The following EPB41L4B variants were observed in gnomAD, a reference collection of about 807,000 sequenced individuals.
EPB41L4B encodes the protein band 4.1-like protein 4B.
A neutral mutation model predicts 112.5 loss-of-function variants in EPB41L4B; 30 were observed. The observed-to-expected ratio is 0.27, with a 90% CI of 0.20 to 0.36. The LOEUF is 0.36. EPB41L4B is among the 10% of genes least tolerant of loss of function. The pLI is 1.00. For synonymous variants in EPB41L4B, 408 were observed against 439.7 expected (o/e 0.93, Z 0.90); for missense variants, 1,024 against 1,133.3 (o/e 0.90, Z 1.38).
chr9:109,260,076 TTTC>T (rs1348496329), intron 6 of EPB41L4B, among the ~76,000 whole-genome samples: 5 of 152,128 alleles, frequency 3.3e-5, no homozygotes, highest in African/African-American at 1.2e-4. Context: ...GTGTTTTTCT[TTTC>T]TTTTCTTTTG....
In EPB41L4B at chr9:109,185,511, T is replaced by C. The variant is rs1033208116; in HGVS notation, c.2396A>G (p.Tyr799Cys). The C allele has an allele frequency of 9.3e-6, 15 of 1,613,664 alleles. No individual in the cohort carries two copies. The highest frequency in any genetic ancestry group is 1.2e-5 in the Non-Finnish European group (14 of 1,179,874). ...MKEETTGVCM[Y>C]PPIKTRLIKT... Reference sequence around the variant, plus strand: ...TACCAGCCTCGTTTTGATTGGAGGGTACATGCAAACTCCAGTGGTCTCTTC... The same window carrying C: ...TACCAGCCTCGTTTTGATTGGAGGGCACATGCAAACTCCAGTGGTCTCTTC... The change falls in exon 23 of 26, where the codon TAC becomes TGC. Residue 799 changes from tyrosine (Y) to cysteine (C), a missense_variant. Transcript: ENST00000374566.
chr9:109,250,619 G>A (rs1425390652), intron 13 of EPB41L4B, among the ~76,000 whole-genome samples: 2 of 152,198 alleles, frequency 1.3e-5, no homozygotes, highest in Non-Finnish European at 2.9e-5. Context: ...AGCGGTATAT[G>A]CCGGGCAGAC....
At chr9:109,176,815 G>C (rs1235594273) in intron 24 of EPB41L4B, 119 bp from the exon 25 acceptor site, 13 of 1,156,224 alleles carry the variant, frequency 1.1e-5, no homozygotes, top group Non-Finnish European at 1.6e-5. Context: ...AGCTAAAATC[G>C]ATTGTCATTT....
intron 1 of EPB41L4B, among the ~76,000 whole-genome samples, chr9:109,313,677 A>C (rs980783779): frequency 6.6e-6 from 1 of 152,206 alleles, no homozygotes; most frequent in Non-Finnish European, 1.5e-5. Flanking sequence ...GAGGGGCAGC[A>C]GGCAGCACAC....
At position 109,253,450 on chromosome 9, in the gene EPB41L4B, T is replaced by C. The variant is rs371026320; in HGVS notation, c.1270A>G (p.Thr424Ala). ...ATGAAAAACACACAACCTTTGAACGTTGAATGTCTCCGGGATGGATAACGT... is the reference window on the plus strand; with the variant it reads ...ATGAAAAACACACAACCTTTGAACGCTGAATGTCTCCGGGATGGATAACGT... ...SKRYPSRRHS[T>A]FKASNPVIAA... Residue 424 changes from threonine to alanine, a missense_variant, in exon 12 of 26, where the codon ACG becomes GCG. Transcript: ENST00000374566. The C allele has an allele frequency of 5.0e-5, 80 of 1,610,618 alleles. No individual in the cohort carries two copies. The highest frequency in any genetic ancestry group is 1.3e-4 in the African/African-American group (10 of 74,994).
intron 13 of EPB41L4B, among the ~76,000 whole-genome samples, chr9:109,248,914 C>G (rs1414594228): frequency 6.6e-6 from 1 of 151,760 alleles, no homozygotes; most frequent in East Asian, 1.9e-4. Flanking sequence ...AAAAAATTAG[C>G]CGGGCGTGGT....
chr9:109,313,145 C>T (rs1271603207), intron 1 of EPB41L4B, among the ~76,000 whole-genome samples: 1 of 152,144 alleles, frequency 6.6e-6, no homozygotes, highest in African/African-American at 2.4e-5. Context: ...CGGCACCACC[C>T]CATGTTGGTT....
rs756849416 is a variant in EPB41L4B at position 109,174,558 on chromosome 9, A to T, written c.2699T>A (p.Leu900Gln). Residue 900 changes from leucine (L) to glutamine (Q), a missense_variant, in exon 26 of 26, where the codon CTG becomes CAG. Leu to Gln is a moderately radical substitution (Grantham distance 113). Transcript: ENST00000374566. ...KMMKRLLMTE[L>Q] The stretch of plus-strand genomic sequence containing the variant: ...CCAGGTGACAAGGGGAGAATTTCAC[A>T]GTTCGGTCATCAACAGTCTTTTCAT... The T allele has an allele frequency of 1.2e-6, 2 of 1,613,844 alleles. No individual in the cohort carries two copies. Among genetic ancestry groups the T allele is most frequent in the Non-Finnish European group, 1.7e-6 (2 of 1,179,864 alleles).
rs562885453 is a variant in EPB41L4B at position 109,313,163 on chromosome 9, A to G, written c.306+6978T>C. ...CACCACCCCATGTTGGTTTATGGGT[A>G]TCTGTTTACTCTGTCTGCCCCTCAA... is the stretch of plus-strand genomic sequence containing the variant. On this transcript the variant is annotated intron_variant, in intron 1 of 25. Transcript: ENST00000374566. Among the ~76,000 whole-genome samples, 5 of 152,296 alleles carry G rather than the reference A, an allele frequency of 3.3e-5. No homozygotes were observed. The South Asian group carries it at 6.2e-4, about 19-fold the overall frequency.
chr9:109,270,498 C>T (rs1397710109), intron 2 of EPB41L4B, among the ~76,000 whole-genome samples: 4 of 152,214 alleles, frequency 2.6e-5, no homozygotes, highest in Non-Finnish European at 5.9e-5. Context: ...CTCAAACAAG[C>T]TGAAAACCCC....
At chr9:109,285,401 C>G (rs1020216030) in intron 1 of EPB41L4B, among the ~76,000 whole-genome samples, 6 of 152,128 alleles carry the variant, frequency 3.9e-5, no homozygotes, top group African/African-American at 1.4e-4. Flanking sequence ...ACTGAGCTGG[C>G]TCGGAGGTGG....
intron 19 of EPB41L4B, among the ~76,000 whole-genome samples, chr9:109,200,941 T>C (rs1832803487): frequency 6.6e-6 from 1 of 152,228 alleles, no homozygotes; most frequent in African/African-American, 2.4e-5. Flanking sequence ...AGGTAACCAA[T>C]GGACCCTACT....
At chr9:109,244,251 AAAAC>A (rs1037810957) in intron 14 of EPB41L4B, among the ~76,000 whole-genome samples, 4 of 152,018 alleles carry the variant, frequency 2.6e-5, no homozygotes, top group African/African-American at 9.7e-5. Context: ...ACAAAATACC[AAAAC>A]AAACAAAACC....
In EPB41L4B at chr9:109,255,668, C is replaced by T; in HGVS notation, c.1012G>A (p.Glu338Lys). 1 of 1,612,702 alleles carries T rather than the reference C, an allele frequency of 6.2e-7. No individual in the cohort carries two copies. Among genetic ancestry groups the T allele is most frequent in the Non-Finnish European group, 8.5e-7 (1 of 1,178,758 alleles). Residue 338 changes from glutamate (E) to lysine (K), a missense_variant, in exon 11 of 26, where the codon GAG becomes AAG. Transcript: ENST00000374566. The stretch of plus-strand genomic sequence containing the variant: ...TCTAACCGGAACACAAACGTGTGCT[C>T]TTGCTCACGTCCCTTAAAGAGGAAG... ...VEDDDQGREQ[E>K]HTFVFRLDSA...
intron 1 of EPB41L4B, among the ~76,000 whole-genome samples, chr9:109,290,593 C>G (rs1213561296): frequency 6.6e-6 from 1 of 152,002 alleles, no homozygotes; most frequent in East Asian, 1.9e-4. Context: ...CCAGAAGGCA[C>G]CAACCTCAAG....
chr9:109,283,368 A>C (rs1201851204), intron 1 of EPB41L4B, among the ~76,000 whole-genome samples: 1 of 152,194 alleles, frequency 6.6e-6, no homozygotes, highest in African/African-American at 2.4e-5. Context: ...AAAGAATGAA[A>C]ACTGCATCAT....
At chr9:109,239,247 C>T (rs576167216) in intron 15 of EPB41L4B, among the ~76,000 whole-genome samples, 1 of 152,130 alleles carries the variant, frequency 6.6e-6, no homozygotes, top group South Asian at 2.1e-4. Flanking sequence ...ATATGGGTGG[C>T]GACAGGGAGA....
At chr9:109,268,624 C>T (rs937907806) in intron 2 of EPB41L4B, among the ~76,000 whole-genome samples, 191 bp from the exon 3 acceptor site, 4 of 152,032 alleles carry the variant, frequency 2.6e-5, no homozygotes, top group Admixed American at 1.3e-4. Flanking sequence ...GTTGGCCGGG[C>T]GCGGTGGCTC....
intron 1 of EPB41L4B, among the ~76,000 whole-genome samples, chr9:109,306,678 C>A (rs2119244473): frequency 6.6e-6 from 1 of 152,294 alleles, no homozygotes; most frequent in South Asian, 2.1e-4. Context: ...CCAAGCCCAT[C>A]AATCTTGGTG....
Sources: allele counts gnomAD v4.1 joint callset (sites outside exome capture counted in the v4.1 genomes callset), GRCh38; gene constraint gnomAD v4.1.1; transcripts MANE v1.5; gene names NCBI Gene and HGNC (gene_info 2026-07-23, HGNC 2026-07-21).